Variants in JMJD1C observed in about 807,000 individuals in gnomAD.
JMJD1C encodes jumonji domain-containing protein 1C.
Under a neutral mutation model 245.3 loss-of-function variants are expected in JMJD1C, and 31 were observed. The ratio of observed to expected loss-of-function variants is 0.13; its 90% CI spans 0.09 to 0.17. The LOEUF (loss-of-function observed/expected upper bound fraction) is 0.17, where lower values mean the gene tolerates loss of function less well. Ranked by LOEUF, JMJD1C falls within the 10% of genes least tolerant of loss-of-function variation. The pLI, the probability that JMJD1C is intolerant of heterozygous loss-of-function variation, is 1.00. For synonymous variants in JMJD1C, 1,057 were observed against 1,017.4 expected (o/e 1.04, Z -0.74); for missense variants, 2,691 against 3,000.2 (o/e 0.90, Z 2.41).
intron 1 of JMJD1C, among the ~76,000 whole-genome samples, chr10:63,500,746 AGGATGGATGGATGGATGGATGGAT>A (rs780486083): frequency 3.6e-5 from 4 of 112,212 alleles, no homozygotes; most frequent in East Asian, 5.0e-4. Context: ...GATGGATGGA[AGGATGGATGGATGGATGGATGGAT>A]GGATGGATGG....
At chr10:63,365,471 GTA>G in intron 2 of JMJD1C, among the ~76,000 whole-genome samples, 1 of 152,134 alleles carries the variant, frequency 6.6e-6, no homozygotes, top group Admixed American at 6.6e-5. Flanking sequence ...ATTATTCTCA[GTA>G]AGATTCAGTA....
intron 3 of JMJD1C, among the ~76,000 whole-genome samples, chr10:63,247,920 C>A (rs1169808123): frequency 6.6e-6 from 1 of 151,864 alleles, no homozygotes; most frequent in South Asian, 2.1e-4. Context: ...CAGTATTACC[C>A]AGACACAACA....
chr10:63,513,740 G>A (rs748903650), intron 1 of JMJD1C, among the ~76,000 whole-genome samples: 8 of 151,854 alleles, frequency 5.3e-5, no homozygotes, highest in Admixed American at 6.6e-5. Context: ...GGGAAACCCC[G>A]TCTCTACTAA....
intron 2 of JMJD1C, among the ~76,000 whole-genome samples, chr10:63,355,821 A>C (rs1944793995): frequency 6.6e-6 from 1 of 152,146 alleles, no homozygotes; most frequent in South Asian, 2.1e-4. Context: ...GCCCAGTGAG[A>C]AAGCAAGCAG....
At chr10:63,293,379 T>C (rs1354365954) in intron 2 of JMJD1C, among the ~76,000 whole-genome samples, 1 of 152,206 alleles carries the variant, frequency 6.6e-6, no homozygotes, top group African/African-American at 2.4e-5. Context: ...TCCAAGAATA[T>C]ATCACTACCT....
At chr10:63,465,404 G>T in intron 1 of JMJD1C, 91 bp downstream of exon 1, 2 of 1,317,414 alleles carry the variant, frequency 1.5e-6, no homozygotes, top group South Asian at 2.9e-5. Flanking sequence ...TGGCCGGGCT[G>T]AGCGAGGCGC....
At chr10:63,309,494 C>CAAAAAAAAAAAAAAAAAAAAAAAAAAAAA in intron 2 of JMJD1C, among the ~76,000 whole-genome samples, 1 of 49,410 alleles carries the variant, frequency 2.0e-5, no homozygotes, top group Non-Finnish European at 3.4e-5. Context: ...GACTCCATCT[C>CAAAAAAAAAAAAAAAAAAAAAAAAAAAAA]AAAAAAAAAA....
chr10:63,427,689 G>C, intron 1 of JMJD1C: 1 of 1,294,844 alleles, frequency 7.7e-7, no homozygotes, highest in Non-Finnish European at 1.1e-6. Flanking sequence ...GAGAAGCCTG[G>C]GTCTCCTCTA....
At chr10:63,315,870 AAAG>A in intron 2 of JMJD1C, among the ~76,000 whole-genome samples, 1 of 151,112 alleles carries the variant, frequency 6.6e-6, no homozygotes, top group Non-Finnish European at 1.5e-5. Flanking sequence ...CGAAAAAAAA[AAAG>A]AAGAAATTCT....
rs544169352 is a variant in JMJD1C at position 63,230,998 on chromosome 10, T to A, written c.448-11015A>T. ...AATCTAAAAATTACCAGATTTATCA[T>A]CATTGTTAAGTTTTTAAGTTGTAAG... On this transcript the variant is annotated intron_variant, in intron 3 of 25. Transcript: ENST00000399262. Among the ~76,000 whole-genome samples the A allele has an allele frequency of 2.0e-5, 3 of 152,308 alleles. No homozygotes were observed. In the East Asian group the frequency reaches 5.8e-4, roughly 29 times the overall value.
chr10:63,357,510 T>C (rs915317652), intron 2 of JMJD1C, among the ~76,000 whole-genome samples: 3 of 152,046 alleles, frequency 2.0e-5, no homozygotes, highest in Non-Finnish European at 4.4e-5. Context: ...TTCACCATGC[T>C]GGCCAGGCTA....
chr10:63,173,242 C>T (rs1196520448), intron 24 of JMJD1C, among the ~76,000 whole-genome samples: 1 of 152,146 alleles, frequency 6.6e-6, no homozygotes, highest in Non-Finnish European at 1.5e-5. Context: ...TTGAACCTCG[C>T]TCCATACTAT....
chr10:63,307,357 C>T (rs1453442455), intron 2 of JMJD1C, among the ~76,000 whole-genome samples: 3 of 152,020 alleles, frequency 2.0e-5, no homozygotes, highest in Admixed American at 1.3e-4. Context: ...AAAAATAAGG[C>T]GGACAATTTA....
intron 3 of JMJD1C, among the ~76,000 whole-genome samples, chr10:63,242,835 T>C (rs1398517566): frequency 6.6e-6 from 1 of 151,994 alleles, no homozygotes; most frequent in Non-Finnish European, 1.5e-5. Context: ...ACCATATATA[T>C]TCTCCTTATT....
At chr10:63,400,156 C>CA (rs1183768565) in intron 1 of JMJD1C, among the ~76,000 whole-genome samples, 1 of 152,252 alleles carries the variant, frequency 6.6e-6, no homozygotes. Flanking sequence ...AGAACCCTAA[C>CA]AGATGGATAT....
intron 2 of JMJD1C, among the ~76,000 whole-genome samples, chr10:63,328,736 A>G (rs944124835): frequency 1.3e-5 from 2 of 152,264 alleles, no homozygotes; most frequent in Admixed American, 1.3e-4. Flanking sequence ...GGAACATACT[A>G]TAATAAATAG....
chr10:63,365,380 CTAAAA>C (rs1179075540), intron 2 of JMJD1C, among the ~76,000 whole-genome samples: 4 of 152,164 alleles, frequency 2.6e-5, no homozygotes, highest in African/African-American at 9.7e-5. Flanking sequence ...CAGAAGTAAA[CTAAAA>C]TAAAAATTAG....
At chr10:63,302,333 T>A (rs1358935589) in intron 2 of JMJD1C, among the ~76,000 whole-genome samples, 1 of 152,176 alleles carries the variant, frequency 6.6e-6, no homozygotes, top group Non-Finnish European at 1.5e-5. Flanking sequence ...ATATATATAA[T>A]TAGAAATGCA....
intron 1 of JMJD1C, among the ~76,000 whole-genome samples, chr10:63,403,651 T>C (rs948624006): frequency 6.6e-5 from 10 of 152,176 alleles, no homozygotes; most frequent in African/African-American, 2.2e-4. Context: ...AAAAGAATGA[T>C]GTACAGGCCA....
Sources: allele counts gnomAD v4.1 joint callset (sites outside exome capture counted in the v4.1 genomes callset), GRCh38; gene constraint gnomAD v4.1.1; transcripts MANE v1.5; gene names NCBI Gene and HGNC (gene_info 2026-07-23, HGNC 2026-07-21).